LHFPL3: variants seen among roughly 807,000 people sequenced by gnomAD.
LHFPL3 encodes the protein LHFPL tetraspan subfamily member 3 protein.
LHFPL3 carries 5 observed loss-of-function variants against 19.3 expected under a neutral mutation model. The observed-to-expected ratio is 0.26, with a 90% CI of 0.14 to 0.54. LHFPL3 has a LOEUF of 0.54. Ranked by LOEUF, LHFPL3 falls within the 20% of genes least tolerant of loss-of-function variation. The probability of loss-of-function intolerance (pLI) is 0.94; values close to 1 mark genes in which losing one functional copy is unlikely to be tolerated. For missense variants in LHFPL3, 249 were observed against 307.4 expected (o/e 0.81, Z 1.42); for synonymous variants, 133 against 126.2 (o/e 1.05, Z -0.36).
intron 2 of LHFPL3, among the ~76,000 whole-genome samples, chr7:104,790,478 T>TGCCAA (rs1790004657): frequency 6.6e-6 from 1 of 152,154 alleles, no homozygotes; most frequent in Non-Finnish European, 1.5e-5. Flanking sequence ...TTTTTTTTGG[T>TGCCAA]ACCATCCAGT....
chr7:104,402,088 TAA>T (rs11406584), intron 1 of LHFPL3, among the ~76,000 whole-genome samples: 5 of 132,314 alleles, frequency 3.8e-5, no homozygotes, highest in African/African-American at 5.4e-5. Context: ...CCGTATAAAC[TAA>T]AAAAAAAAAA....
intron 1 of LHFPL3, among the ~76,000 whole-genome samples, chr7:104,369,808 T>C (rs1447596543): frequency 2.6e-5 from 4 of 152,228 alleles, no homozygotes; most frequent in Non-Finnish European, 5.9e-5. Context: ...CATGTGCTTA[T>C]TAGCCATTCA....
intron 1 of LHFPL3, among the ~76,000 whole-genome samples, chr7:104,606,331 C>T (rs1259017254): frequency 3.3e-5 from 5 of 152,192 alleles, no homozygotes; most frequent in Non-Finnish European, 7.3e-5. Flanking sequence ...TCAGAAAGCA[C>T]TATTGCTTTT....
intron 1 of LHFPL3, among the ~76,000 whole-genome samples, chr7:104,658,057 G>GA (rs1424367336): frequency 6.6e-6 from 1 of 152,062 alleles, no homozygotes; most frequent in African/African-American, 2.4e-5. Context: ...GTGCTCATTA[G>GA]AAAAAAATAA....
At chr7:104,890,789 A>T (rs1792229410) in intron 2 of LHFPL3, among the ~76,000 whole-genome samples, 1 of 152,178 alleles carries the variant, frequency 6.6e-6, no homozygotes, top group South Asian at 2.1e-4. Context: ...CCTGAAATGG[A>T]GACTGATGTG....
chr7:104,433,315 A>G (rs916025097), intron 1 of LHFPL3, among the ~76,000 whole-genome samples: 2 of 152,146 alleles, frequency 1.3e-5, no homozygotes, highest in Non-Finnish European at 2.9e-5. Flanking sequence ...GTGTCTTACT[A>G]TTGCTATGAA....
intron 1 of LHFPL3, among the ~76,000 whole-genome samples, chr7:104,639,585 G>C (rs532686840): frequency 6.6e-6 from 1 of 152,034 alleles, no homozygotes; most frequent in African/African-American, 2.4e-5. Context: ...GTAATATTTT[G>C]ATTGAAGTAC....
At chr7:104,507,106 G>T (rs1272305337) in intron 1 of LHFPL3, among the ~76,000 whole-genome samples, 1 of 152,146 alleles carries the variant, frequency 6.6e-6, no homozygotes, top group Non-Finnish European at 1.5e-5. Flanking sequence ...AAACAGTGCT[G>T]AAAGGGGAGT....
intron 2 of LHFPL3, among the ~76,000 whole-genome samples, chr7:104,784,909 CAGGGA>C (rs1789884256): frequency 6.6e-6 from 1 of 152,074 alleles, no homozygotes; most frequent in Non-Finnish European, 1.5e-5. Flanking sequence ...TTGTCAAGGG[CAGGGA>C]AGGGGAAGTG....
chr7:104,834,549 C>T (rs115915071), intron 2 of LHFPL3, among the ~76,000 whole-genome samples: 2,180 of 151,976 alleles, frequency 0.014, 107 homozygotes, highest in African/African-American at 0.047. Context: ...CAGAAGAGAC[C>T]AAGATGGCAA....
intron 1 of LHFPL3, among the ~76,000 whole-genome samples, chr7:104,481,575 T>A (rs2115658649): frequency 6.6e-6 from 1 of 152,144 alleles, no homozygotes; most frequent in East Asian, 1.9e-4. Flanking sequence ...TGTCTCCCTG[T>A]AATAAACTAT....
chr7:104,778,907 G>A (rs543800972), intron 2 of LHFPL3, among the ~76,000 whole-genome samples: 1 of 152,304 alleles, frequency 6.6e-6, no homozygotes, highest in African/African-American at 2.4e-5. Context: ...TATTTTATGT[G>A]GCGTACTTGC....
chr7:104,583,237 C>G (rs898426496), intron 1 of LHFPL3, among the ~76,000 whole-genome samples: 5 of 151,952 alleles, frequency 3.3e-5, no homozygotes, highest in Non-Finnish European at 5.9e-5. Context: ...ATAAATGGTG[C>G]TGGGAAAACT....
chr7:104,576,089 G>T (rs1045525843), intron 1 of LHFPL3, among the ~76,000 whole-genome samples: 3 of 152,020 alleles, frequency 2.0e-5, no homozygotes, highest in Admixed American at 6.6e-5. Flanking sequence ...AGAATAATAA[G>T]AAGAGTACAA....
At chr7:104,774,321 G>GTCT (rs1244343715) in intron 2 of LHFPL3, among the ~76,000 whole-genome samples, 1 of 152,210 alleles carries the variant, frequency 6.6e-6, no homozygotes, top group Non-Finnish European at 1.5e-5. Flanking sequence ...ATGGTTCTAA[G>GTCT]TCTTCTACAT....
chr7:104,332,233 T>C (rs1388610688), intron 1 of LHFPL3, among the ~76,000 whole-genome samples: 1 of 135,694 alleles, frequency 7.4e-6, no homozygotes, highest in Non-Finnish European at 1.6e-5. Context: ...CTTTTTTTTT[T>C]TTTTTTTTTT....
chr7:104,753,013 A>G (rs891450071), intron 2 of LHFPL3, among the ~76,000 whole-genome samples: 3 of 152,318 alleles, frequency 2.0e-5, no homozygotes, highest in African/African-American at 2.4e-5. Context: ...TGTACATTCT[A>G]TGGGTTTTGA....
intron 2 of LHFPL3, among the ~76,000 whole-genome samples, chr7:104,865,428 G>A (rs1791703096): frequency 6.6e-6 from 1 of 152,188 alleles, no homozygotes; most frequent in Non-Finnish European, 1.5e-5. Flanking sequence ...CATGACGAAT[G>A]CACAAGCCTC....
intron 1 of LHFPL3, among the ~76,000 whole-genome samples, chr7:104,419,370 T>C (rs1206435237): frequency 6.6e-6 from 1 of 152,162 alleles, no homozygotes; most frequent in Non-Finnish European, 1.5e-5. Flanking sequence ...TTAATTATCA[T>C]TGCTAAGGTA....
Sources: gnomAD v4.1 joint callset for allele counts (sites outside exome capture counted in the v4.1 genomes callset) on GRCh38, gnomAD v4.1.1 for gene constraint, MANE v1.5 for transcripts, NCBI Gene and HGNC (gene_info 2026-07-23, HGNC 2026-07-21) for gene names.